The following IQCE variants were observed in gnomAD, a reference collection of about 807,000 sequenced individuals.
The protein encoded by IQCE is IQ domain-containing protein E.
IQCE carries 115 observed loss-of-function variants against 96.0 expected under a neutral mutation model. The observed-to-expected ratio is 1.20, with a 90% CI of 1.03 to 1.40. IQCE has a LOEUF of 1.40. IQCE is among the 40% of genes most tolerant of loss of function. The probability of loss-of-function intolerance (pLI) is 0.00; values close to 1 mark genes in which losing one functional copy is unlikely to be tolerated. For missense variants in IQCE, 1,041 were observed against 909.1 expected (o/e 1.15, Z -1.87); for synonymous variants, 412 against 371.2 (o/e 1.11, Z -1.26).
intron 6 of IQCE, among the ~76,000 whole-genome samples, chr7:2,574,147 C>T (rs1781954728): frequency 1.3e-5 from 2 of 152,224 alleles, no homozygotes; most frequent in African/African-American, 4.8e-5. Context: ...TTTCAGTATC[C>T]GTAAATGTTT....
chr7:2,592,976 C>G (rs1783723858), intron 14 of IQCE, 46 bp from the exon 15 acceptor site: 1 of 1,558,144 alleles, frequency 6.4e-7, no homozygotes, highest in Non-Finnish European at 8.8e-7. Context: ...CTGACATAAC[C>G]TACAGTTTTT....
chr7:2,598,254 G>A (rs552158182), intron 16 of IQCE: 1 of 477,296 alleles, frequency 2.1e-6, no homozygotes, highest in African/African-American at 2.0e-5. Flanking sequence ...GTCTGCACTT[G>A]TGTGCTCGCC....
chr7:2,567,072 C>T, intron 1 of IQCE, 44 bp from the exon 2 acceptor site: 3 of 1,563,644 alleles, frequency 1.9e-6, no homozygotes, highest in Non-Finnish European at 2.6e-6. Context: ...GTCGGAAGCC[C>T]AGCAGGTGCC....
rs1039493994 is a variant in IQCE at position 2,608,508 on chromosome 7, C to T, written c.1969+1281C>T. Among the ~76,000 whole-genome samples the T allele has an allele frequency of 5.9e-5, 9 of 152,358 alleles. No homozygotes were observed. In the East Asian group the frequency reaches 1.3e-3, roughly 23 times the overall value. ...TTGAACTTTGATATTCTCTCCAAAA[C>T]TTCCATTTGTAAAGCTCAACACAAA... On this transcript the variant is annotated intron_variant, in intron 21 of 21. Coordinates refer to ENST00000402050, the MANE Select transcript of IQCE (RefSeq NM_152558.5).
intron 17 of IQCE, 91 bp downstream of exon 17, chr7:2,598,723 A>T: frequency 8.7e-7 from 1 of 1,148,678 alleles, no homozygotes; most frequent in Non-Finnish European, 1.2e-6. Context: ...CTGGGCCTGG[A>T]GGGCCAGCCA....
intron 12 of IQCE, 146 bp from the exon 13 acceptor site, chr7:2,587,676 T>A (rs2917733): frequency 0.75 from 561,574 of 748,582 alleles, 213,059 homozygotes; most frequent in African/African-American, 0.88. Context: ...CAAAATTCTC[T>A]GGTAGCCAGG....
At chr7:2,601,359 G>A in intron 17 of IQCE, 82 bp from the exon 18 acceptor site, 1 of 974,570 alleles carries the variant, frequency 1.0e-6, no homozygotes, top group Non-Finnish European at 1.6e-6. Context: ...ATGGACACCT[G>A]TTGGCAAGAT....
chr7:2,599,168 C>G (rs1260784068), intron 17 of IQCE, among the ~76,000 whole-genome samples: 3 of 152,206 alleles, frequency 2.0e-5, no homozygotes, highest in Non-Finnish European at 4.4e-5. Context: ...CCTTTCTTTT[C>G]TTTAACCAAC....
Position 2,610,166 on chromosome 7 carries a change from C to T in IQCE, c.*4C>T. 6.6e-7 allele frequency: 1 copy of T among 1,526,252 alleles called. No individual in the cohort carries two copies. The highest frequency in any genetic ancestry group is 9.1e-7 in the Non-Finnish European group (1 of 1,099,540). 94.5% of individuals were successfully genotyped at this position (1,526,252 alleles called of 1,614,324 possible). ...CACGAAGAACTTTCCAGTTTAGGTC[C>T]CCGTCACTGTCTCCACGCCGTGATG... is the stretch of plus-strand genomic sequence containing the variant. On this transcript the variant is annotated 3_prime_UTR_variant, in exon 22 of 22. Transcript: ENST00000402050.
intron 8 of IQCE, 52 bp downstream of exon 8, chr7:2,578,578 GGA>G (rs746486182): frequency 2.5e-6 from 4 of 1,596,050 alleles, no homozygotes; most frequent in Non-Finnish European, 3.4e-6. Context: ...TAGTTACTGG[GGA>G]CAGCCACAGA....
intron 8 of IQCE, chr7:2,582,025 T>C (rs1233611384): frequency 6.4e-6 from 3 of 466,594 alleles, no homozygotes; most frequent in African/African-American, 6.0e-5. Context: ...GAATGTTCTT[T>C]AAAGAATATA....
chr7:2,573,354 T>C, intron 5 of IQCE, 64 bp from the exon 6 acceptor site: 1 of 812,214 alleles, frequency 1.2e-6, no homozygotes, highest in Admixed American at 2.2e-5. Flanking sequence ...TTCCTTAAAG[T>C]ATAGCCAAGA....
rs767265265 is a variant in IQCE, at chr7:2,587,861, T to C, written c.1028T>C (p.Ile343Thr). The C allele has an allele frequency of 1.2e-5, 20 of 1,613,790 alleles. No individual in the cohort carries two copies. The highest frequency in any genetic ancestry group is 1.6e-4 in the Middle Eastern group (1 of 6,084). Reference protein sequence around the residue: ...EWSKPRLLRRIVELEKKLSVM... With the variant: ...EWSKPRLLRRTVELEKKLSVM... Reference sequence around the variant, plus strand: ...AGCAAGCCCCGGCTGCTGAGGCGCATTGTGGAGCTGGAGAAGGTGAGCGGG... The same window carrying C: ...AGCAAGCCCCGGCTGCTGAGGCGCACTGTGGAGCTGGAGAAGGTGAGCGGG... Residue 343 changes from isoleucine (I) to threonine (T), a missense_variant, in exon 13 of 22, where the codon ATT becomes ACT. By Grantham distance (89) the Ile-to-Thr change is moderately conservative. Coordinates refer to ENST00000402050, the MANE Select transcript of IQCE (RefSeq NM_152558.5).
At chr7:2,605,849 G>T (rs569415679) in intron 19 of IQCE, 27 bp from the exon 20 acceptor site, 2 of 1,538,358 alleles carry the variant, frequency 1.3e-6, no homozygotes, top group Non-Finnish European at 1.8e-6. Context: ...CCAAACAGTC[G>T]TCTTCCCTGC....
intron 8 of IQCE, among the ~76,000 whole-genome samples, chr7:2,580,661 GA>G (rs1782594585): frequency 1.3e-5 from 2 of 152,160 alleles, no homozygotes; most frequent in Admixed American, 1.3e-4. Flanking sequence ...GATACTGTGG[GA>G]AATAGTGTGG....
rs947149628 is a variant in IQCE at position 2,612,815 on chromosome 7, C to G, written c.*2653C>G. On this transcript the variant is annotated 3_prime_UTR_variant, in exon 22 of 22. Transcript: ENST00000402050. ...TGTGAGTGGGGCTGAGCCATGGGAG[C>G]AGCAAGCTGGTGGAGTGGGCTGGGC... 6.6e-6 allele frequency: 1 copy of G among 152,034 alleles called. No homozygotes were observed. The highest frequency in any genetic ancestry group is 2.4e-5 in the African/African-American group (1 of 41,152). 9.4% of individuals were successfully genotyped at this position (152,034 alleles called of 1,614,324 possible).
intron 13 of IQCE, 34 bp downstream of exon 13, chr7:2,587,911 G>T: frequency 1.3e-6 from 2 of 1,597,272 alleles, no homozygotes; most frequent in South Asian, 2.2e-5. Flanking sequence ...TGTCGTTGGG[G>T]ACCAGGGGCC....
intron 21 of IQCE, among the ~76,000 whole-genome samples, chr7:2,609,612 CAG>C (rs2128475382): frequency 6.6e-6 from 1 of 152,322 alleles, no homozygotes; most frequent in Non-Finnish European, 1.5e-5. Context: ...TGAGAATACT[CAG>C]AGCTGAGTTT....
chr7:2,614,706 A>AT lies in IQCE; in HGVS notation c.*4545dup, dbSNP rs1785227979. The AT allele has an allele frequency of 6.6e-6, 1 of 152,158 alleles. No homozygotes were observed. The highest frequency in any genetic ancestry group is 6.5e-5 in the Admixed American group (1 of 15,288). 9.4% of individuals were successfully genotyped at this position (152,158 alleles called of 1,614,324 possible). ...ATTATTCTCATTATTGGCCTTTTAAATAAAAAGTTGTTTTGCAGTGTGCCT... is the reference window on the plus strand; with the variant it reads ...ATTATTCTCATTATTGGCCTTTTAAATTAAAAAGTTGTTTTGCAGTGTGCCT... On this transcript the variant is annotated 3_prime_UTR_variant, in exon 22 of 22. Coordinates refer to ENST00000402050, the MANE Select transcript of IQCE (RefSeq NM_152558.5).
Sources: allele counts gnomAD v4.1 joint callset (sites outside exome capture counted in the v4.1 genomes callset), GRCh38; gene constraint gnomAD v4.1.1; transcripts MANE v1.5; gene names NCBI Gene and HGNC (gene_info 2026-07-23, HGNC 2026-07-21).